CXCR5: variants seen among roughly 807,000 people sequenced by gnomAD.
The protein encoded by CXCR5 is C-X-C chemokine receptor type 5.
CXCR5 carries 3 observed loss-of-function variants against 5.6 expected under a neutral mutation model. The ratio of observed to expected loss-of-function variants is 0.54; its 90% CI spans 0.24 to 1.39. CXCR5 has a LOEUF of 1.39. Among genes scored for constraint, CXCR5 ranks in the 40% most tolerant of loss-of-function variants. The pLI, the probability that CXCR5 is intolerant of heterozygous loss-of-function variation, is 0.16. For missense variants in CXCR5, 333 were observed against 494.6 expected, an observed-to-expected ratio of 0.67 and a Z score of 3.10; for synonymous variants, 218 against 219.9, an observed-to-expected ratio of 0.99 and a Z score of 0.08.
Position 118,894,384 on chromosome 11 carries a change from C to T in CXCR5, c.840C>T (p.Phe280=). Reference sequence around the variant, plus strand: ...GGTCACCCTACCACATCGTCATCTTCCTGGACACCCTGGCGAGGCTGAAGG... The same window carrying T: ...GGTCACCCTACCACATCGTCATCTTTCTGGACACCCTGGCGAGGCTGAAGG... ...LCWSPYHIVI[F]LDTLARLKAV... Residue 280 remains phenylalanine (F), a synonymous_variant, in exon 2 of 2, where the codon TTC becomes TTT. Transcript: ENST00000292174. This position sits in a 1 kb window ranked among gnomAD's most constrained non-coding sequence, Gnocchi z 6.1. 1 of 1,614,214 alleles carries T rather than the reference C, an allele frequency of 6.2e-7. No individual in the cohort carries two copies. The highest frequency in any genetic ancestry group is 1.1e-5 in the South Asian group (1 of 91,082).
chr11:118,890,066 G>C (rs1939784673), intron 1 of CXCR5, among the ~76,000 whole-genome samples: 1 of 152,188 alleles, frequency 6.6e-6, no homozygotes, highest in South Asian at 2.1e-4. Context: ...CGTGAAGACT[G>C]CTGAATTCCA....
chr11:118,886,119 C>A (rs757569385), intron 1 of CXCR5: 1 of 338,288 alleles, frequency 3.0e-6, no homozygotes, highest in Non-Finnish European at 5.7e-6. Flanking sequence ...GCAGGAGAAT[C>A]TTGCATGTAG....
Position 118,893,906 on chromosome 11 carries a change from T to A in CXCR5, c.362T>A (p.Leu121His). The change falls in exon 2 of 2, where the codon CTC becomes CAC. Residue 121 changes from leucine to histidine, a missense_variant. By Grantham distance (99) the Leu-to-His change is moderately conservative. Coordinates refer to ENST00000292174, the MANE Select transcript of CXCR5 (RefSeq NM_001716.5). The surrounding 1 kb of genome is among the most constrained non-coding windows in gnomAD (Gnocchi z 5.7). ...GSVGWVLGTF[L>H]CKTVIALHKV... ...GTGGGCTGGGTCCTGGGGACCTTCC[T>A]CTGCAAAACTGTGATTGCCCTGCAC... The A allele has an allele frequency of 6.2e-7, 1 of 1,614,124 alleles. No individual in the cohort carries two copies. Among genetic ancestry groups the A allele is most frequent in the Non-Finnish European group, 8.5e-7 (1 of 1,180,026 alleles).
chr11:118,894,741 G>A lies in CXCR5; in HGVS notation c.*78G>A, dbSNP rs1449365774. The A allele has an allele frequency of 5.0e-6, 7 of 1,402,210 alleles. No individual in the cohort carries two copies. The African/African-American group carries it at 1.0e-4, about 20-fold the overall frequency. 86.9% of individuals were successfully genotyped at this position (1,402,210 alleles called of 1,614,324 possible). ...GGATGCTCCTTCCAACAGGAGCTGGGATCCTAAGGGCTCACCGTGGCTAAG... is the reference window on the plus strand; with the variant it reads ...GGATGCTCCTTCCAACAGGAGCTGGAATCCTAAGGGCTCACCGTGGCTAAG... On this transcript the variant is annotated 3_prime_UTR_variant, in exon 2 of 2. Transcript: ENST00000292174. The surrounding 1 kb of genome is among the most constrained non-coding windows in gnomAD (Gnocchi z 6.1).
intron 1 of CXCR5, among the ~76,000 whole-genome samples, chr11:118,892,806 C>T (rs1159914589): frequency 1.3e-5 from 2 of 152,156 alleles, no homozygotes; most frequent in Non-Finnish European, 2.9e-5. Flanking sequence ...TCACTTTCTC[C>T]TGCCTCTCTC....
Position 118,893,389 on chromosome 11 carries a change from C to T in CXCR5, c.52-207C>T. ...ACCCGCACGCCTCCCTTCATCAGCA[C>T]CACCACTCTAAGGAATGCGGTCCCT... On this transcript the variant is annotated intron_variant, in intron 1 of 1. Coordinates refer to ENST00000292174, the MANE Select transcript of CXCR5 (RefSeq NM_001716.5). The surrounding 1 kb of genome is among the most constrained non-coding windows in gnomAD (Gnocchi z 5.7). 1 of 985,438 alleles carries T rather than the reference C, an allele frequency of 1.0e-6. No homozygotes were observed. The highest frequency in any genetic ancestry group is 1.2e-6 in the Non-Finnish European group (1 of 829,926). The allele number at this position is 985,438 out of a possible 1,614,324, so 61.0% of individuals were successfully genotyped here.
Position 118,893,327 on chromosome 11 carries a change from AT to A in CXCR5, c.52-268del. ...AGGACCCAAAAACACAAGCTGACTT[AT>A]GGGGTCCAGCCCTCCAGCACTTACA... is the stretch of plus-strand genomic sequence containing the variant. On this transcript the variant is annotated intron_variant, in intron 1 of 1. Coordinates refer to ENST00000292174, the MANE Select transcript of CXCR5 (RefSeq NM_001716.5). The surrounding 1 kb of genome is among the most constrained non-coding windows in gnomAD (Gnocchi z 5.7). 1 of 937,302 alleles carries A rather than the reference AT, an allele frequency of 1.1e-6. No homozygotes were observed. The highest frequency in any genetic ancestry group is 1.3e-6 in the Non-Finnish European group (1 of 786,114). 58.1% of individuals were successfully genotyped at this position (937,302 alleles called of 1,614,324 possible).
rs1167286460 is a variant in CXCR5, at chr11:118,897,085, GGGCA to G, written c.*2428_*2431del. The G allele has an allele frequency of 6.5e-6, 1 of 153,636 alleles. No individual in the cohort carries two copies. Among genetic ancestry groups the G allele is most frequent in the African/African-American group, 2.4e-5 (1 of 41,428 alleles). 9.5% of individuals were successfully genotyped at this position (153,636 alleles called of 1,614,324 possible). ...CAGAGGGACAACCTTGCCGGTGAGTGGGCAGGCAGAGAGGAGGCGGCAGGATGCT... is the reference window on the plus strand; with the variant it reads ...CAGAGGGACAACCTTGCCGGTGAGTGGGCAGAGAGGAGGCGGCAGGATGCT... On this transcript the variant is annotated 3_prime_UTR_variant, in exon 2 of 2. Transcript: ENST00000292174.
chr11:118,887,092 C>T (rs1939724899), intron 1 of CXCR5: 2 of 256,918 alleles, frequency 7.8e-6, no homozygotes, highest in Non-Finnish European at 1.2e-5. Context: ...GAGGGAGAGC[C>T]CCAAGGCCAA....
At position 118,893,254 on chromosome 11, in the gene CXCR5, T is replaced by C. The variant is rs919322461; in HGVS notation, c.52-342T>C. 16 of 298,322 alleles carry C rather than the reference T, an allele frequency of 5.4e-5. No homozygotes were observed. Among genetic ancestry groups the C allele is most frequent in the African/African-American group, 3.2e-4 (14 of 43,854 alleles). 18.5% of individuals were successfully genotyped at this position (298,322 alleles called of 1,614,324 possible). A position where few individuals can be genotyped will look rare whatever the true frequency, so the allele number is the denominator to read the frequency against. ...GTACCAAGCAGGTCCATTCCCCAAA[T>C]TGAAGTCCTGTGACTCCAGCCGCCA... On this transcript the variant is annotated intron_variant, in intron 1 of 1. Transcript: ENST00000292174. The surrounding 1 kb of genome is among the most constrained non-coding windows in gnomAD (Gnocchi z 5.7).
In CXCR5 at chr11:118,897,734, AG is replaced by A. The variant is rs1292086418; in HGVS notation, c.*3077del. On this transcript the variant is annotated 3_prime_UTR_variant, in exon 2 of 2. Transcript: ENST00000292174. ...AATGGAGGGAGCAATAACTTGAAGA[AG>A]GGGGGAAGGGTTTCTTTTATCCTTT... 4 of 446,840 alleles carry A rather than the reference AG, an allele frequency of 9.0e-6. No homozygotes were observed. Among genetic ancestry groups the A allele is most frequent in the Non-Finnish European group, 1.8e-5 (4 of 224,760 alleles). 27.7% of individuals were successfully genotyped at this position (446,840 alleles called of 1,614,324 possible). A position where few individuals can be genotyped will look rare whatever the true frequency, so the allele number is the denominator to read the frequency against.
At chr11:118,888,839 A>G (rs1263358541) in intron 1 of CXCR5, among the ~76,000 whole-genome samples, 1 of 152,138 alleles carries the variant, frequency 6.6e-6, no homozygotes, top group East Asian at 1.9e-4. Flanking sequence ...GCTGAAGAGG[A>G]GGGGACCCAG....
chr11:118,890,898 A>G (rs1336811345), intron 1 of CXCR5, among the ~76,000 whole-genome samples: 1 of 152,206 alleles, frequency 6.6e-6, no homozygotes, highest in African/African-American at 2.4e-5. Context: ...TGGGTACTCT[A>G]AAGAAAGTCC....
Position 118,887,236 on chromosome 11 carries a change from A to G in CXCR5, c.51+3244A>G, listed in dbSNP as rs534141640. 4 of 985,432 alleles carry G rather than the reference A, an allele frequency of 4.1e-6. No individual in the cohort carries two copies. The South Asian group carries it at 1.4e-4, about 35-fold the overall frequency. 61.0% of individuals were successfully genotyped at this position (985,432 alleles called of 1,614,324 possible). A position where few individuals can be genotyped will look rare whatever the true frequency, so the allele number is the denominator to read the frequency against. Reference sequence around the variant, plus strand: ...ACTCCTCTAGCAGAACGGCAGAAACAGTGGCCGCATATGTGGACCTAAGAA... The same window carrying G: ...ACTCCTCTAGCAGAACGGCAGAAACGGTGGCCGCATATGTGGACCTAAGAA... On this transcript the variant is annotated intron_variant, in intron 1 of 1. Transcript: ENST00000292174.
rs1200765172 is a variant in CXCR5, at chr11:118,896,744, C to T, written c.*2081C>T. 6.5e-6 allele frequency: 1 copy of T among 152,788 alleles called. No homozygotes were observed. The allele number at this position is 152,788 out of a possible 1,614,324, so 9.5% of individuals were successfully genotyped here. Reference sequence around the variant, plus strand: ...CCAGTGCAAGACCAGGCCCTCCAGGCCAGGAAGGCTAGGGACGGGTCCTGG... The same window carrying T: ...CCAGTGCAAGACCAGGCCCTCCAGGTCAGGAAGGCTAGGGACGGGTCCTGG... On this transcript the variant is annotated 3_prime_UTR_variant, in exon 2 of 2. Coordinates refer to ENST00000292174, the MANE Select transcript of CXCR5 (RefSeq NM_001716.5).
rs35636302 is a variant in CXCR5, at chr11:118,897,757, CTTTT to C, written c.*3101_*3104del. The C allele has an allele frequency of 1.2e-5, 5 of 415,234 alleles. No individual in the cohort carries two copies. Among genetic ancestry groups the C allele is most frequent in the Non-Finnish European group, 2.4e-5 (5 of 208,310 alleles). 25.7% of individuals were successfully genotyped at this position (415,234 alleles called of 1,614,324 possible). ...GAAGGGGGGAAGGGTTTCTTTTATC[CTTTT>C]TTTTTTGTGTGACTTCTATCAAAAC... is the stretch of plus-strand genomic sequence containing the variant. On this transcript the variant is annotated 3_prime_UTR_variant, in exon 2 of 2. Coordinates refer to ENST00000292174, the MANE Select transcript of CXCR5 (RefSeq NM_001716.5).
chr11:118,889,671 AG>A (rs1174800195), intron 1 of CXCR5, among the ~76,000 whole-genome samples: 2 of 152,150 alleles, frequency 1.3e-5, no homozygotes, highest in African/African-American at 2.4e-5. Context: ...CCTCCTGCTG[AG>A]ATGTGCTGTC....
intron 1 of CXCR5, among the ~76,000 whole-genome samples, chr11:118,885,012 T>A (rs1939688516): frequency 2.0e-5 from 3 of 152,200 alleles, no homozygotes; most frequent in Admixed American, 6.5e-5. Context: ...CCAACTCTCC[T>A]GTCCCAAACT....
intron 1 of CXCR5, among the ~76,000 whole-genome samples, chr11:118,889,312 C>A (rs549838652): frequency 6.6e-6 from 1 of 152,182 alleles, no homozygotes; most frequent in South Asian, 2.1e-4. Flanking sequence ...CTGGTGTGGC[C>A]CATCTTGGCA....
Sources: allele counts gnomAD v4.1 joint callset (sites outside exome capture counted in the v4.1 genomes callset), GRCh38; gene constraint gnomAD v4.1.1; non-coding constraint Gnocchi (gnomAD v3.1); transcripts MANE v1.5; gene names NCBI Gene and HGNC (gene_info 2026-07-23, HGNC 2026-07-21).